TAB3: variants seen among roughly 807,000 people sequenced by gnomAD.
TAB3 encodes TGF-beta-activated kinase 1 and MAP3K7-binding protein 3.
TAB3 carries 18 observed loss-of-function variants against 48.1 expected under a neutral mutation model. That is an observed-to-expected ratio of 0.37 (90% CI 0.26 to 0.55). The LOEUF is 0.55. Among genes scored for constraint, TAB3 ranks in the 20% least tolerant of loss-of-function variants. The pLI is 0.78. For synonymous variants in TAB3, 185 were observed against 190.2 expected (o/e 0.97, Z 0.22); for missense variants, 414 against 549.8 (o/e 0.75, Z 2.47).
At chrX:30,846,513 A>G in intron 8 of TAB3, 38 bp downstream of exon 8, 1 of 1,017,485 alleles carries the variant, frequency 9.8e-7, no homozygotes, top group Non-Finnish European at 1.4e-6. Context: ...AAAATACCAC[A>G]CTATTACTTA....
intron 7 of TAB3, among the ~76,000 whole-genome samples, chrX:30,848,285 G>A (rs779119559): frequency 8.9e-5 from 10 of 112,038 alleles, no homozygotes; most frequent in Non-Finnish European, 1.7e-4. Flanking sequence ...GCACTTTGGG[G>A]GGCCAAGGCA....
intron 1 of TAB3, among the ~76,000 whole-genome samples, chrX:30,873,501 GGC>G (rs1302258930): frequency 9.6e-6 from 1 of 104,075 alleles, no homozygotes; most frequent in Non-Finnish European, 2.0e-5. Context: ...CTCCCGCCTG[GGC>G]GACAGAACGA....
chrX:30,852,987 G>C lies in TAB3; in HGVS notation c.1550-49C>G, dbSNP rs763610847. 5 of 1,167,636 alleles carry C rather than the reference G, an allele frequency of 4.3e-6. No individual in the cohort carries two copies. The South Asian group carries it at 9.5e-5, about 22-fold the overall frequency. On this transcript the variant is annotated intron_variant, in intron 6 of 10. Transcript: ENST00000288422. The stretch of plus-strand genomic sequence containing the variant: ...TTGCAGAGAACAACATTGAACAAGC[G>C]ACTGGAAAATTTCGATATGCACTGC...
In TAB3 at chrX:30,855,078, G is replaced by A. The variant is rs749562610; in HGVS notation, c.587C>T (p.Thr196Ile). 1.7e-6 allele frequency: 2 copies of A among 1,209,985 alleles called. No homozygotes were observed. The highest frequency in any genetic ancestry group is 3.5e-5 in the South Asian group (2 of 56,802). The change falls in exon 6 of 11, where the codon ACT (threonine) becomes ATT (isoleucine). Residue 196 changes from threonine to isoleucine, a missense_variant. Thr to Ile is a moderately conservative substitution (Grantham distance 89, BLOSUM62 -1). Coordinates refer to ENST00000288422, the MANE Select transcript of TAB3 (RefSeq NM_152787.5). ...HIPRYSTNPI[T>I]VTVSQNLPSG... ...AGGGAGGTTCTGGGATACTGTAACAGTAATTGGATTTGTACTATACCGAGG... is the reference window on the plus strand; with the variant it reads ...AGGGAGGTTCTGGGATACTGTAACAATAATTGGATTTGTACTATACCGAGG...
intron 7 of TAB3, among the ~76,000 whole-genome samples, chrX:30,851,165 C>T (rs1348246494): frequency 8.9e-6 from 1 of 112,086 alleles, no homozygotes; most frequent in African/African-American, 3.2e-5. Context: ...TTAAAATCTT[C>T]CTCCTCACTT....
At chrX:30,834,365 C>A (rs994126692) in intron 9 of TAB3, among the ~76,000 whole-genome samples, 137 of 111,758 alleles carry the variant, frequency 1.2e-3, no homozygotes, top group Non-Finnish European at 2.3e-3. Context: ...TTTCCATCTT[C>A]TCCAGTTACA....
chrX:30,855,703 T>A (rs375980559), intron 5 of TAB3, 141 bp from the exon 6 acceptor site: 1 of 568,661 alleles, frequency 1.8e-6, no homozygotes, highest in Non-Finnish European at 2.7e-6. Flanking sequence ...AAAAACTTCA[T>A]GGTCATCTAT....
intron 1 of TAB3, among the ~76,000 whole-genome samples, chrX:30,878,516 A>G (rs5927634): frequency 3.8e-5 from 3 of 79,601 alleles, no homozygotes; most frequent in Non-Finnish European, 6.9e-5. Context: ...AAAAAAAAAA[A>G]AAAGAAAGAA....
At chrX:30,840,115 C>A (rs1403345296) in intron 9 of TAB3, among the ~76,000 whole-genome samples, 3 of 108,676 alleles carry the variant, frequency 2.8e-5, no homozygotes, top group African/African-American at 1.0e-4. Context: ...AATAGATAAC[C>A]CATCTTTCAC....
At chrX:30,838,944 C>T (rs1221103715) in intron 9 of TAB3, among the ~76,000 whole-genome samples, 1 of 110,181 alleles carries the variant, frequency 9.1e-6, no homozygotes, top group Non-Finnish European at 1.9e-5. Flanking sequence ...ATTATGTCAT[C>T]TGTAGTATAT....
At chrX:30,877,522 A>C (rs1261549315) in intron 1 of TAB3, among the ~76,000 whole-genome samples, 1 of 112,524 alleles carries the variant, frequency 8.9e-6, no homozygotes, top group Admixed American at 9.4e-5. Context: ...AATGGAACTA[A>C]GGTGCTTTAA....
intron 9 of TAB3, among the ~76,000 whole-genome samples, chrX:30,842,128 C>T (rs1167470370): frequency 8.9e-6 from 1 of 112,614 alleles, no homozygotes; most frequent in Non-Finnish European, 1.9e-5. Context: ...GCCAATTAAA[C>T]ATTTGCTACA....
chrX:30,888,667 A>T, intron 1 of TAB3, among the ~76,000 whole-genome samples: 1 of 112,408 alleles, frequency 8.9e-6, no homozygotes, highest in East Asian at 2.8e-4. Flanking sequence ...TTCTTACTAT[A>T]CTGCTACTAA....
At chrX:30,858,923 T>TAGATTAAAATTAGATATCGGTA (rs1258010225) in intron 5 of TAB3, among the ~76,000 whole-genome samples, 8 of 111,460 alleles carry the variant, frequency 7.2e-5, no homozygotes. Context: ...GGTAAGGATT[T>TAGATTAAAATTAGATATCGGTA]AGCATTAGAA....
At chrX:30,840,746 G>A (rs1022710749) in intron 9 of TAB3, among the ~76,000 whole-genome samples, 5 of 111,446 alleles carry the variant, frequency 4.5e-5, no homozygotes, top group South Asian at 3.8e-4. Context: ...TATCAGCAGC[G>A]TGAAAACAGA....
rs1194698495 is a variant in TAB3, at chrX:30,830,278, A to G, written c.*1149T>C. On this transcript the variant is annotated 3_prime_UTR_variant, in exon 11 of 11. Coordinates refer to ENST00000288422, the MANE Select transcript of TAB3 (RefSeq NM_152787.5). ...TTTTTGACAATCCCTCCTTTCCTAA[A>G]TAATGCAGTGTGCAACTTTGTCGTT... The G allele has an allele frequency of 8.9e-6, 1 of 112,373 alleles. No individual in the cohort carries two copies. The highest frequency in any genetic ancestry group is 1.9e-5 in the Non-Finnish European group (1 of 53,251). 9.3% of individuals were successfully genotyped at this position (112,373 alleles called of 1,213,427 possible). A position where few individuals can be genotyped will look rare whatever the true frequency, so the allele number is the denominator to read the frequency against.
chrX:30,873,583 C>G (rs1941692741), intron 1 of TAB3, among the ~76,000 whole-genome samples: 1 of 110,684 alleles, frequency 9.0e-6, no homozygotes, highest in Admixed American at 9.5e-5. Context: ...CACCTCCTCC[C>G]CTTTTTCTGC....
At chrX:30,869,861 AAAAG>A (rs1454466229) in intron 2 of TAB3, among the ~76,000 whole-genome samples, 2 of 112,645 alleles carry the variant, frequency 1.8e-5, no homozygotes, top group African/African-American at 6.4e-5. Flanking sequence ...GGGGAAAAGA[AAAAG>A]AAATAACAGA....
Position 30,829,372 on chromosome X carries a change from A to AGTAT in TAB3, c.*2051_*2054dup, listed in dbSNP as rs1555932513. ...AAACCTTTTAGCTAGGACACCAAGC[A>AGTAT]GTATATATATATATATTTCCCCTAA... On this transcript the variant is annotated 3_prime_UTR_variant, in exon 11 of 11. Transcript: ENST00000288422. The AGTAT allele has an allele frequency of 8.9e-6, 1 of 112,050 alleles. No homozygotes were observed. Among genetic ancestry groups the AGTAT allele is most frequent in the Non-Finnish European group, 1.9e-5 (1 of 53,181 alleles). The allele number at this position is 112,050 out of a possible 1,213,427, so 9.2% of individuals were successfully genotyped here. A position where few individuals can be genotyped will look rare whatever the true frequency, so the allele number is the denominator to read the frequency against.
Sources: gnomAD v4.1 joint callset for allele counts (sites outside exome capture counted in the v4.1 genomes callset) on GRCh38, gnomAD v4.1.1 for gene constraint, MANE v1.5 for transcripts, NCBI Gene and HGNC (gene_info 2026-07-23, HGNC 2026-07-21) for gene names.